Variants in SGCD observed in about 807,000 individuals in gnomAD.
SGCD encodes sarcoglycan delta.
A neutral mutation model predicts 36.6 loss-of-function variants in SGCD; 18 were observed. That is an observed-to-expected ratio of 0.49 (90% CI 0.34 to 0.73). The LOEUF is 0.73. SGCD is among the 30% of genes least tolerant of loss of function. The pLI, the probability that SGCD is intolerant of heterozygous loss-of-function variation, is 0.01. For missense variants in SGCD, 387 were observed against 346.7 expected (o/e 1.12, Z -0.92); for synonymous variants, 133 against 130.6 (o/e 1.02, Z -0.12).
At chr5:155,799,514 C>A in the SGCD span, among the ~76,000 whole-genome samples, 1 of 151,878 alleles carries the variant, frequency 6.6e-6, no homozygotes, top group South Asian at 2.1e-4. Flanking sequence ...CCACTTGATC[C>A]TCTTGAATAG....
chr5:156,592,000 A>G (rs889907324), intron 5 of SGCD, among the ~76,000 whole-genome samples: 3 of 152,170 alleles, frequency 2.0e-5, no homozygotes, highest in Non-Finnish European at 4.4e-5. Context: ...TGTTCTGTGA[A>G]GCCCTGAAAA....
intron 1 of SGCD, among the ~76,000 whole-genome samples, chr5:155,947,158 A>G (rs139460373): frequency 6.6e-6 from 1 of 152,296 alleles, no homozygotes; most frequent in Non-Finnish European, 1.5e-5. Context: ...TTTAGCTACT[A>G]TGGCATTGAT....
chr5:156,392,642 G>A lies in SGCD; in HGVS notation c.192+47965G>A, dbSNP rs190621542. Among the ~76,000 whole-genome samples, 599 of 152,310 alleles carry A rather than the reference G, an allele frequency of 3.9e-3. 2 individuals are homozygous for A. The highest frequency in any genetic ancestry group is 6.6e-3 in the Non-Finnish European group (448 of 68,028). Reference sequence around the variant, plus strand: ...TCTGTATCCCAGGGTTCTTGCCTTGGTGTCCCGGAAGAATTGGATCATGTG... The same window carrying A: ...TCTGTATCCCAGGGTTCTTGCCTTGATGTCCCGGAAGAATTGGATCATGTG... On this transcript the variant is annotated intron_variant, in intron 3 of 8. Coordinates refer to ENST00000337851, the MANE Select transcript of SGCD (RefSeq NM_000337.6).
intron 3 of SGCD, among the ~76,000 whole-genome samples, chr5:156,147,352 T>G (rs1762728199): frequency 6.6e-6 from 1 of 152,252 alleles, no homozygotes; most frequent in Admixed American, 6.5e-5. Flanking sequence ...GGTTACATTT[T>G]ATTCTCTTGA....
At chr5:156,628,973 A>G (rs1213066819) in intron 6 of SGCD, among the ~76,000 whole-genome samples, 4 of 152,244 alleles carry the variant, frequency 2.6e-5, no homozygotes, top group Non-Finnish European at 5.9e-5. Flanking sequence ...AAATTAAATA[A>G]GACAACCCAT....
chr5:155,951,794 G>A (rs1199647917), intron 1 of SGCD, among the ~76,000 whole-genome samples: 1 of 152,120 alleles, frequency 6.6e-6, no homozygotes, highest in Non-Finnish European at 1.5e-5. Flanking sequence ...GACCTGCCTG[G>A]ATATAGCATG....
At chr5:155,794,520 AATAAT>A in the SGCD span, among the ~76,000 whole-genome samples, 1 of 152,040 alleles carries the variant, frequency 6.6e-6, no homozygotes, top group African/African-American at 2.4e-5. Flanking sequence ...TGTAGAATTA[AATAAT>A]ATAACACATT....
intron 3 of SGCD, among the ~76,000 whole-genome samples, chr5:156,231,736 G>C (rs1254446340): frequency 1.3e-5 from 2 of 152,138 alleles, no homozygotes; most frequent in African/African-American, 4.8e-5. Flanking sequence ...TAGGGATATT[G>C]GTACCGTGGT....
chr5:156,457,739 C>G (rs1182923443), intron 3 of SGCD, among the ~76,000 whole-genome samples: 1 of 152,192 alleles, frequency 6.6e-6, no homozygotes, highest in Admixed American at 6.5e-5. Flanking sequence ...ATGTAAATGT[C>G]TCTCATGCCC....
intron 6 of SGCD, among the ~76,000 whole-genome samples, chr5:156,620,848 C>A (rs1581269206): frequency 6.6e-6 from 1 of 152,142 alleles, no homozygotes; most frequent in South Asian, 2.1e-4. Flanking sequence ...TGTGCTAGAC[C>A]CTCCCAGGAA....
At chr5:155,797,086 A>T in the SGCD span, among the ~76,000 whole-genome samples, 1 of 152,154 alleles carries the variant, frequency 6.6e-6, no homozygotes, top group Admixed American at 6.5e-5. Flanking sequence ...AAGATACTAA[A>T]AATGTGTTTC....
chr5:155,951,821 A>G (rs1757553942), intron 1 of SGCD, among the ~76,000 whole-genome samples: 1 of 152,068 alleles, frequency 6.6e-6, no homozygotes, highest in Admixed American at 6.6e-5. Context: ...GATCCTTTCT[A>G]TAGAGGGAAT....
intron 3 of SGCD, among the ~76,000 whole-genome samples, chr5:156,256,245 C>T (rs868248146): frequency 6.6e-5 from 10 of 152,184 alleles, no homozygotes; most frequent in African/African-American, 2.2e-4. Flanking sequence ...AAGTCTTAAG[C>T]ACTTGAATTG....
intron 1 of SGCD, among the ~76,000 whole-genome samples, chr5:156,108,344 A>G (rs950195341): frequency 1.3e-5 from 2 of 152,180 alleles, no homozygotes; most frequent in African/African-American, 2.4e-5. Flanking sequence ...CTGTAGAATC[A>G]GTGGCTAGGA....
chr5:156,095,482 G>A (rs2127595362), intron 1 of SGCD, among the ~76,000 whole-genome samples: 1 of 152,308 alleles, frequency 6.6e-6, no homozygotes, highest in Non-Finnish European at 1.5e-5. Context: ...AACAGTGAGT[G>A]TGGTAAGAAG....
intron 4 of SGCD, among the ~76,000 whole-genome samples, chr5:156,531,928 G>T (rs1418788410): frequency 6.6e-6 from 1 of 152,028 alleles, no homozygotes; most frequent in Non-Finnish European, 1.5e-5. Flanking sequence ...GGCCAACATG[G>T]TGAAACCCCA....
the SGCD span, among the ~76,000 whole-genome samples, chr5:155,820,523 T>TAAAC: frequency 6.6e-6 from 1 of 151,802 alleles, no homozygotes; most frequent in Non-Finnish European, 1.5e-5. Context: ...AATAAATGAA[T>TAAAC]AAACAAACAA....
At chr5:156,119,890 T>C (rs930257179) in intron 2 of SGCD, among the ~76,000 whole-genome samples, 10 of 152,136 alleles carry the variant, frequency 6.6e-5, no homozygotes, top group African/African-American at 2.4e-4. Flanking sequence ...TGATACCTTT[T>C]GAAAAATGAC....
At chr5:155,844,763 G>C in the SGCD span, among the ~76,000 whole-genome samples, 2 of 152,134 alleles carry the variant, frequency 1.3e-5, no homozygotes, top group East Asian at 3.9e-4. Context: ...CACATGCTTA[G>C]TTAAAAACAG....
Sources: gnomAD v4.1 joint callset for allele counts (sites outside exome capture counted in the v4.1 genomes callset) on GRCh38, gnomAD v4.1.1 for gene constraint, MANE v1.5 for transcripts, NCBI Gene and HGNC (gene_info 2026-07-23, HGNC 2026-07-21) for gene names.